The following CMKLR1 variants were observed in gnomAD, a reference collection of about 807,000 sequenced individuals.
CMKLR1 encodes chemerin chemokine-like receptor 1, also known as chemerin-like receptor 1.
A neutral mutation model predicts 8.2 loss-of-function variants in CMKLR1; 6 were observed. The ratio of observed to expected loss-of-function variants is 0.73; its 90% CI spans 0.40 to 1.44. The LOEUF is 1.44. Ranked by LOEUF, CMKLR1 falls within the 40% of genes most tolerant of loss-of-function variation. The pLI is 0.02. For synonymous variants in CMKLR1, 178 were observed against 181.2 expected (o/e 0.98, Z 0.14); for missense variants, 429 against 478.0 (o/e 0.90, Z 0.96).
intron 2 of CMKLR1, among the ~76,000 whole-genome samples, chr12:108,312,866 C>T (rs1433268802): frequency 1.3e-5 from 2 of 152,116 alleles, no homozygotes; most frequent in Non-Finnish European, 2.9e-5. Context: ...TCCAAATCAC[C>T]CCCCTCTGCA....
chr12:108,318,513 G>A (rs531333264), intron 2 of CMKLR1, among the ~76,000 whole-genome samples: 29 of 152,192 alleles, frequency 1.9e-4, no homozygotes, highest in Non-Finnish European at 3.8e-4. Flanking sequence ...ACAATTGTTT[G>A]CAGGGTCACT....
intron 2 of CMKLR1, among the ~76,000 whole-genome samples, chr12:108,325,307 C>T (rs1593177150): frequency 6.6e-6 from 1 of 152,202 alleles, no homozygotes; most frequent in African/African-American, 2.4e-5. Context: ...CTCTCAATCA[C>T]CTGAGAGCAT....
At chr12:108,305,850 C>T (rs987016335) in intron 2 of CMKLR1, among the ~76,000 whole-genome samples, 4 of 152,192 alleles carry the variant, frequency 2.6e-5, no homozygotes, top group African/African-American at 4.8e-5. Flanking sequence ...GGGGCCACGA[C>T]GGAGCTTAGG....
At chr12:108,329,265 C>T (rs568836256) in intron 2 of CMKLR1, among the ~76,000 whole-genome samples, 15 of 152,276 alleles carry the variant, frequency 9.9e-5, no homozygotes, top group South Asian at 8.3e-4. Context: ...CCCTGAGGAG[C>T]ATTCCGACCT....
At chr12:108,301,909 A>T (rs1470356295) in intron 2 of CMKLR1, among the ~76,000 whole-genome samples, 1 of 152,194 alleles carries the variant, frequency 6.6e-6, no homozygotes, top group Non-Finnish European at 1.5e-5. Context: ...GGCTACACAC[A>T]CATACACACA....
rs1433053996 is a variant in CMKLR1, at chr12:108,292,347, G to C, written c.616C>G (p.His206Asp). The C allele has an allele frequency of 1.2e-6, 2 of 1,614,150 alleles. No homozygotes were observed. The highest frequency in any genetic ancestry group is 1.3e-5 in the African/African-American group (1 of 75,028). ...TACCCCACAGGGTCCATTTGGGAGTGAGTGGGCCACGAGGAAGACCCAGGT... is the reference window on the plus strand; with the variant it reads ...TACCCCACAGGGTCCATTTGGGAGTCAGTGGGCCACGAGGAAGACCCAGGT... ...STPGSSSWPT[H>D]SQMDPVGYSR... The change falls in exon 4 of 4, where the codon CAC becomes GAC. Residue 206 changes from histidine to aspartate, a missense_variant. Transcript: ENST00000550402.
intron 1 of CMKLR1, among the ~76,000 whole-genome samples, chr12:108,333,422 G>A (rs978286588): frequency 6.6e-6 from 1 of 152,138 alleles, no homozygotes; most frequent in African/African-American, 2.4e-5. Flanking sequence ...CAAGAGACTA[G>A]CCCAAATGAC....
chr12:108,328,697 G>T (rs1273322346), intron 2 of CMKLR1, among the ~76,000 whole-genome samples: 2 of 152,258 alleles, frequency 1.3e-5, no homozygotes, highest in East Asian at 3.9e-4. Flanking sequence ...AAAATTGCCT[G>T]CACTCCCTGA....
At chr12:108,313,658 C>CTG (rs1413036446) in intron 2 of CMKLR1, among the ~76,000 whole-genome samples, 2 of 152,190 alleles carry the variant, frequency 1.3e-5, no homozygotes, top group Admixed American at 1.3e-4. Context: ...ATGTCCCAGC[C>CTG]AATCAGGGCC....
chr12:108,299,908 G>A (rs568017615), intron 2 of CMKLR1, among the ~76,000 whole-genome samples: 3 of 152,284 alleles, frequency 2.0e-5, no homozygotes, highest in South Asian at 2.1e-4. Flanking sequence ...TTATGGCAGC[G>A]CTGGAAAACA....
chr12:108,317,905 T>C (rs917589718), intron 2 of CMKLR1: 1 of 152,214 alleles, frequency 6.6e-6, no homozygotes, highest in Non-Finnish European at 1.5e-5. Flanking sequence ...CCAGAGTTTC[T>C]TTGGAGAAAT....
chr12:108,317,654 A>G (rs4964248), intron 2 of CMKLR1, among the ~76,000 whole-genome samples: 118,715 of 152,228 alleles, frequency 0.78, 46,780 homozygotes, highest in East Asian at 1. Flanking sequence ...GGGCCTTAGA[A>G]TTTACAACAC....
chr12:108,311,040 C>T (rs746994898), intron 2 of CMKLR1, among the ~76,000 whole-genome samples: 2 of 151,410 alleles, frequency 1.3e-5, no homozygotes, highest in Non-Finnish European at 1.5e-5. Flanking sequence ...TCTGGAAAGG[C>T]ATCCCCCACT....
Position 108,290,420 on chromosome 12 carries a change from GA to G in CMKLR1, c.*1420del, listed in dbSNP as rs1031823594. 1 of 152,214 alleles carries G rather than the reference GA, an allele frequency of 6.6e-6. No homozygotes were observed. Among genetic ancestry groups the G allele is most frequent in the Non-Finnish European group, 1.5e-5 (1 of 68,038 alleles). The allele number at this position is 152,214 out of a possible 1,614,324, so 9.4% of individuals were successfully genotyped here. On this transcript the variant is annotated 3_prime_UTR_variant, in exon 4 of 4. Coordinates refer to ENST00000550402, the MANE Select transcript of CMKLR1 (RefSeq NM_001142343.2). ...CTCAGGGTTGCTGTAATGATTAAATGAGAAAACATATGTAAAGTGCATAATA... is the reference window on the plus strand; with the variant it reads ...CTCAGGGTTGCTGTAATGATTAAATGGAAAACATATGTAAAGTGCATAATA...
chr12:108,311,392 G>T (rs1030932540), intron 2 of CMKLR1, among the ~76,000 whole-genome samples: 3 of 152,120 alleles, frequency 2.0e-5, no homozygotes, highest in African/African-American at 7.2e-5. Context: ...AGGCGGGAGG[G>T]TCACTTATAG....
At chr12:108,333,616 A>C (rs1291916476) in intron 1 of CMKLR1, among the ~76,000 whole-genome samples, 1 of 152,186 alleles carries the variant, frequency 6.6e-6, no homozygotes, top group Non-Finnish European at 1.5e-5. Flanking sequence ...ACAGGCAGGT[A>C]CTCATAGCAT....
At chr12:108,313,644 T>C (rs1891643808) in intron 2 of CMKLR1, among the ~76,000 whole-genome samples, 1 of 152,220 alleles carries the variant, frequency 6.6e-6, no homozygotes, top group South Asian at 2.1e-4. Context: ...GTGCTCAAAC[T>C]GGAATGTCCC....
rs1417754288 is a variant in CMKLR1, at chr12:108,288,160, C to G, written c.*3681G>C. 6.6e-6 allele frequency: 1 copy of G among 152,220 alleles called. No individual in the cohort carries two copies. The highest frequency in any genetic ancestry group is 2.4e-5 in the African/African-American group (1 of 41,440). 9.4% of individuals were successfully genotyped at this position (152,220 alleles called of 1,614,324 possible). A position where few individuals can be genotyped will look rare whatever the true frequency, so the allele number is the denominator to read the frequency against. ...GTAGATTCCTCTCTGGTCCTAGATA[C>G]CACCCCCAGCAGCAATTTTCCAAAC... On this transcript the variant is annotated 3_prime_UTR_variant, in exon 4 of 4. Transcript: ENST00000550402.
chr12:108,306,883 A>G (rs966128357), intron 2 of CMKLR1, among the ~76,000 whole-genome samples: 2 of 152,094 alleles, frequency 1.3e-5, no homozygotes, highest in Non-Finnish European at 2.9e-5. Context: ...AGCCATTCCT[A>G]GTCACAGAAG....
Sources: gnomAD v4.1 joint callset for allele counts (sites outside exome capture counted in the v4.1 genomes callset) on GRCh38, gnomAD v4.1.1 for gene constraint, MANE v1.5 for transcripts, NCBI Gene and HGNC (gene_info 2026-07-23, HGNC 2026-07-21) for gene names.